The following ANKRD62 variants were observed in gnomAD, a reference collection of about 807,000 sequenced individuals.
The protein encoded by ANKRD62 is ankyrin repeat domain-containing protein 62.
Under a neutral mutation model 98.8 loss-of-function variants are expected in ANKRD62, and 61 were observed. The ratio of observed to expected loss-of-function variants is 0.62; its 90% CI spans 0.50 to 0.76. The LOEUF is 0.76. Among genes scored for constraint, ANKRD62 ranks in the 30% least tolerant of loss-of-function variants. The pLI, the probability that ANKRD62 is intolerant of heterozygous loss-of-function variation, is 0.00. For synonymous variants in ANKRD62, 341 were observed against 367.9 expected, an observed-to-expected ratio of 0.93 and a Z score of 0.84; for missense variants, 933 against 1,082.9, an observed-to-expected ratio of 0.86 and a Z score of 1.94.
At chr18:12,099,443 T>C (rs913212428) in intron 5 of ANKRD62, among the ~76,000 whole-genome samples, 172 bp from the exon 6 acceptor site, 1 of 152,188 alleles carries the variant, frequency 6.6e-6, no homozygotes, top group African/African-American at 2.4e-5. Context: ...CTTCATACTT[T>C]TTTCTTCTTT....
intron 6 of ANKRD62, 95 bp from the exon 7 acceptor site, chr18:12,103,062 GA>G (rs1909340160): frequency 1.1e-6 from 1 of 903,952 alleles, no homozygotes; most frequent in Admixed American, 3.9e-5. Flanking sequence ...ATTTATAGAA[GA>G]AAAATATGTT....
chr18:12,150,318 G>A, the ANKRD62 span, among the ~76,000 whole-genome samples: 1 of 152,178 alleles, frequency 6.6e-6, no homozygotes, highest in Non-Finnish European at 1.5e-5. Context: ...AAGAGGCCAA[G>A]TCTATTTATC....
At chr18:12,179,660 A>G in the ANKRD62 span, among the ~76,000 whole-genome samples, 4 of 151,270 alleles carry the variant, frequency 2.6e-5, no homozygotes, top group Admixed American at 6.6e-5. Context: ...TCCTTACTTT[A>G]GAAATGTCGA....
chr18:12,107,844 C>T (rs1164921415), intron 8 of ANKRD62, among the ~76,000 whole-genome samples: 1 of 152,052 alleles, frequency 6.6e-6, no homozygotes, highest in Non-Finnish European at 1.5e-5. Context: ...TTTACACATA[C>T]ACACAAGCAG....
chr18:12,127,079 A>C (rs1362858875), intron 13 of ANKRD62, among the ~76,000 whole-genome samples: 2 of 152,122 alleles, frequency 1.3e-5, no homozygotes, highest in Non-Finnish European at 2.9e-5. Flanking sequence ...TTTTCAGTCA[A>C]AAATGTGGTC....
chr18:12,178,966 GACA>G, the ANKRD62 span, among the ~76,000 whole-genome samples: 1 of 110,762 alleles, frequency 9.0e-6, no homozygotes, highest in African/African-American at 3.6e-5. Flanking sequence ...GGCGAGGGCA[GACA>G]ACAAGGAGTC....
chr18:12,095,789 A>G (rs980095623), intron 3 of ANKRD62, among the ~76,000 whole-genome samples, 179 bp downstream of exon 3: 2 of 152,238 alleles, frequency 1.3e-5, no homozygotes, highest in African/African-American at 2.4e-5. Flanking sequence ...CGAGGTCTGT[A>G]GTCTAAATGT....
At position 12,121,069 on chromosome 18, in the gene ANKRD62, A is replaced by G. The variant is rs376521534; in HGVS notation, c.1241-1234A>G. ...TATATTAGTTGCTTGAAGGTTTCTCATAGTTCATCATGACAAATTTACGAT... is the reference window on the plus strand; with the variant it reads ...TATATTAGTTGCTTGAAGGTTTCTCGTAGTTCATCATGACAAATTTACGAT... On this transcript the variant is annotated intron_variant, in intron 10 of 13. Transcript: ENST00000587848. Among the ~76,000 whole-genome samples, 46 of 152,276 alleles carry G rather than the reference A, an allele frequency of 3.0e-4. 1 individual carries two copies. In the East Asian group the frequency reaches 3.7e-3, roughly 12 times the overall value.
At chr18:12,110,400 A>C (rs1909513902) in intron 8 of ANKRD62, among the ~76,000 whole-genome samples, 1 of 152,212 alleles carries the variant, frequency 6.6e-6, no homozygotes, top group South Asian at 2.1e-4. Flanking sequence ...ATGCTCTATA[A>C]TTTTATGGCT....
chr18:12,109,268 C>G (rs1052901802), intron 8 of ANKRD62, among the ~76,000 whole-genome samples: 5 of 152,190 alleles, frequency 3.3e-5, no homozygotes, highest in Non-Finnish European at 7.3e-5. Context: ...GCAAAGGTTC[C>G]CAAACCTCAC....
At chr18:12,127,272 G>A (rs1376745500) in intron 13 of ANKRD62, among the ~76,000 whole-genome samples, 1 of 152,138 alleles carries the variant, frequency 6.6e-6, no homozygotes, top group Non-Finnish European at 1.5e-5. Flanking sequence ...AGGGAGAGAA[G>A]TGGAAGCCAG....
chr18:12,180,867 A>C, the ANKRD62 span, among the ~76,000 whole-genome samples: 3 of 148,178 alleles, frequency 2.0e-5, no homozygotes, highest in African/African-American at 7.4e-5. Context: ...ATATATATAC[A>C]TGTGCCATGT....
chr18:12,162,867 G>T, the ANKRD62 span, among the ~76,000 whole-genome samples: 3 of 151,850 alleles, frequency 2.0e-5, no homozygotes, highest in African/African-American at 7.3e-5. Context: ...CTGTTGCATT[G>T]GTCTATGTGT....
At chr18:12,113,599 C>T (rs1197789544) in intron 8 of ANKRD62, among the ~76,000 whole-genome samples, 1 of 152,130 alleles carries the variant, frequency 6.6e-6, no homozygotes, top group Admixed American at 6.5e-5. Context: ...GCACTCCAGC[C>T]TGGGTGACAG....
chr18:12,126,557 A>G (rs1420833237), intron 13 of ANKRD62, among the ~76,000 whole-genome samples, 174 bp downstream of exon 13: 1 of 152,214 alleles, frequency 6.6e-6, no homozygotes. Flanking sequence ...AGTTAGACCT[A>G]GGAGATGCTT....
At chr18:12,160,615 A>G in the ANKRD62 span, among the ~76,000 whole-genome samples, 1 of 152,162 alleles carries the variant, frequency 6.6e-6, no homozygotes, top group Non-Finnish European at 1.5e-5. Flanking sequence ...CATGTGTGAG[A>G]GGGCTACATT....
intron 8 of ANKRD62, among the ~76,000 whole-genome samples, chr18:12,111,970 C>T (rs1268581293): frequency 2.6e-5 from 4 of 151,790 alleles, no homozygotes; most frequent in African/African-American, 4.8e-5. Flanking sequence ...ATTAGCCGGG[C>T]GTGGTGGCAG....
chr18:12,096,345 G>A, intron 4 of ANKRD62, 43 bp downstream of exon 4: 1 of 1,135,930 alleles, frequency 8.8e-7, no homozygotes, highest in Non-Finnish European at 1.2e-6. Context: ...CCTGAGTGGT[G>A]TTCTAGAGTG....
At chr18:12,097,916 C>G in intron 5 of ANKRD62, 139 bp downstream of exon 5, 1 of 994,380 alleles carries the variant, frequency 1.0e-6, no homozygotes, top group Non-Finnish European at 1.4e-6. Flanking sequence ...CTTCATCAGC[C>G]AGAAATCAAG....
Sources: allele counts gnomAD v4.1 joint callset (sites outside exome capture counted in the v4.1 genomes callset), GRCh38; gene constraint gnomAD v4.1.1; transcripts MANE v1.5; gene names NCBI Gene and HGNC (gene_info 2026-07-23, HGNC 2026-07-21).